CUL2: variants seen among roughly 807,000 people sequenced by gnomAD.
The protein encoded by CUL2 is cullin 2.
CUL2 carries 22 observed loss-of-function variants against 110.2 expected under a neutral mutation model. The ratio of observed to expected loss-of-function variants is 0.20; its 90% CI spans 0.14 to 0.28. The LOEUF is 0.28. CUL2 is among the 10% of genes least tolerant of loss of function. CUL2 has a pLI of 1.00. For missense variants in CUL2, 631 were observed against 905.5 expected, an observed-to-expected ratio of 0.70 and a Z score of 3.89; for synonymous variants, 279 against 293.2, an observed-to-expected ratio of 0.95 and a Z score of 0.49.
chr10:35,058,009 A>C (rs1564728865), intron 4 of CUL2, among the ~76,000 whole-genome samples: 2 of 152,076 alleles, frequency 1.3e-5, no homozygotes, highest in African/African-American at 4.8e-5. Flanking sequence ...GAGGAAGGAG[A>C]ATCACTTGAA....
chr10:35,081,168 T>C (rs562526807), intron 1 of CUL2, among the ~76,000 whole-genome samples: 3 of 152,066 alleles, frequency 2.0e-5, no homozygotes, highest in African/African-American at 7.2e-5. Context: ...CAAGGTTACA[T>C]TAAGCTACAA....
Position 35,086,500 on chromosome 10 carries a change from T to C in CUL2, c.-23+3679A>G, listed in dbSNP as rs184826586. On this transcript the variant is annotated intron_variant, in intron 1 of 20. Transcript: ENST00000374749. ...ACAGGGTTCGCCATGTTGCCCAAGC[T>C]GGTCTCAAGCTGCTGGGCTCAAGTG... Among the ~76,000 whole-genome samples the C allele has an allele frequency of 6.6e-5, 10 of 152,068 alleles. No homozygotes were observed. In the East Asian group the frequency reaches 1.9e-3, roughly 29 times the overall value.
chr10:35,016,426 G>T, intron 17 of CUL2, 32 bp from the exon 18 acceptor site: 1 of 1,465,362 alleles, frequency 6.8e-7, no homozygotes. Flanking sequence ...ACAGTGAATT[G>T]ACCATTCAAA....
intron 2 of CUL2, among the ~76,000 whole-genome samples, chr10:35,065,105 A>G (rs557410225): frequency 2.6e-5 from 4 of 152,200 alleles, no homozygotes; most frequent in Non-Finnish European, 5.9e-5. Context: ...TTAACCAATT[A>G]ACTATGTTCT....
chr10:35,026,221 C>T (rs1183687328), intron 16 of CUL2, among the ~76,000 whole-genome samples: 2 of 152,174 alleles, frequency 1.3e-5, no homozygotes, highest in African/African-American at 4.8e-5. Flanking sequence ...GCAGGATGAA[C>T]AGGAGATGAC....
intron 12 of CUL2, 46 bp downstream of exon 12, chr10:35,032,389 A>C: frequency 1.3e-6 from 2 of 1,497,472 alleles, no homozygotes; most frequent in Non-Finnish European, 1.8e-6. Context: ...TCATTTTCTA[A>C]TACTGACTTT....
At chr10:35,115,780 C>T (rs1161313878) in intron 1 of CUL2, among the ~76,000 whole-genome samples, 2 of 151,920 alleles carry the variant, frequency 1.3e-5, no homozygotes. Context: ...GTAGTTCTAG[C>T]TACTAGGGGG....
chr10:35,015,644 GAAA>G (rs1364925279), intron 18 of CUL2, among the ~76,000 whole-genome samples: 1 of 151,854 alleles, frequency 6.6e-6, no homozygotes, highest in Non-Finnish European at 1.5e-5. Flanking sequence ...CTTGTAACTA[GAAA>G]AAAAGTTACA....
chr10:35,087,910 C>A (rs1447811698), intron 1 of CUL2, among the ~76,000 whole-genome samples: 1 of 152,146 alleles, frequency 6.6e-6, no homozygotes, highest in African/African-American at 2.4e-5. Context: ...CAGCCCCTGG[C>A]TAGGACCCAC....
At chr10:35,069,344 G>T (rs2086620685) in intron 2 of CUL2, among the ~76,000 whole-genome samples, 1 of 152,020 alleles carries the variant, frequency 6.6e-6, no homozygotes, top group South Asian at 2.1e-4. Context: ...CTCGAGATCA[G>T]CCTGGGCAAC....
intron 14 of CUL2, among the ~76,000 whole-genome samples, chr10:35,029,963 C>A (rs1328673347): frequency 6.6e-6 from 1 of 152,130 alleles, no homozygotes; most frequent in African/African-American, 2.4e-5. Flanking sequence ...CATAAGATAC[C>A]TTAAAAGGAT....
At chr10:35,065,929 T>C (rs1053901263) in intron 2 of CUL2, among the ~76,000 whole-genome samples, 1 of 152,198 alleles carries the variant, frequency 6.6e-6, no homozygotes, top group African/African-American at 2.4e-5. Context: ...ACTTATCTTT[T>C]CCTAAGTCAT....
intron 17 of CUL2, among the ~76,000 whole-genome samples, chr10:35,023,229 T>C (rs999625639): frequency 1.3e-5 from 2 of 152,132 alleles, no homozygotes; most frequent in African/African-American, 4.8e-5. Flanking sequence ...TTTTTATGTG[T>C]CAATTGTATC....
chr10:35,012,519 C>G (rs2084928577), intron 19 of CUL2, among the ~76,000 whole-genome samples: 1 of 152,000 alleles, frequency 6.6e-6, no homozygotes, highest in Non-Finnish European at 1.5e-5. Flanking sequence ...GTGGCTCAAG[C>G]AGAGAAGCCA....
At chr10:35,107,221 A>G (rs2087471096) in intron 1 of CUL2, among the ~76,000 whole-genome samples, 1 of 151,754 alleles carries the variant, frequency 6.6e-6, no homozygotes. Flanking sequence ...TGATCCACCC[A>G]CCTTGGCCTC....
intron 1 of CUL2, among the ~76,000 whole-genome samples, chr10:35,082,421 A>T (rs991685378): frequency 1.3e-5 from 2 of 152,152 alleles, no homozygotes; most frequent in African/African-American, 4.8e-5. Flanking sequence ...GCTACTGCCT[A>T]ATGGTTGTAC....
intron 3 of CUL2, among the ~76,000 whole-genome samples, chr10:35,061,909 G>A (rs2086392906): frequency 6.6e-6 from 1 of 151,790 alleles, no homozygotes; most frequent in Non-Finnish European, 1.5e-5. Flanking sequence ...CACCAGGCCA[G>A]TTCTTACCAT....
At chr10:35,023,480 CAGAA>C (rs2085253709) in intron 17 of CUL2, among the ~76,000 whole-genome samples, 2 of 152,214 alleles carry the variant, frequency 1.3e-5, no homozygotes, top group South Asian at 4.1e-4. Context: ...AGCTCAAAAA[CAGAA>C]AGAAAGTTAT....
At chr10:35,051,443 C>G (rs939808490) in intron 5 of CUL2, among the ~76,000 whole-genome samples, 20 of 151,834 alleles carry the variant, frequency 1.3e-4, no homozygotes, top group African/African-American at 4.8e-4. Flanking sequence ...GAAATCCCGT[C>G]TCTACTAAAA....
Sources: gnomAD v4.1 joint callset for allele counts (sites outside exome capture counted in the v4.1 genomes callset) on GRCh38, gnomAD v4.1.1 for gene constraint, MANE v1.5 for transcripts, NCBI Gene and HGNC (gene_info 2026-07-23, HGNC 2026-07-21) for gene names.